Variants in PREPL observed in about 807,000 individuals in gnomAD.
PREPL encodes prolyl endopeptidase like, also known as prolyl endopeptidase-like.
PREPL carries 77 observed loss-of-function variants against 70.6 expected under a neutral mutation model. That is an observed-to-expected ratio of 1.09 (90% CI 0.91 to 1.32). The LOEUF is 1.32. Among genes scored for constraint, PREPL ranks in the 40% most tolerant of loss-of-function variants. The pLI, the probability that PREPL is intolerant of heterozygous loss-of-function variation, is 0.00. For missense variants in PREPL, 1,002 were observed against 778.2 expected (o/e 1.29, Z -3.42); for synonymous variants, 315 against 264.8 (o/e 1.19, Z -1.84).
chr2:44,355,621 A>T (rs1445706164), intron 1 of PREPL, among the ~76,000 whole-genome samples: 1 of 152,094 alleles, frequency 6.6e-6, no homozygotes, highest in Non-Finnish European at 1.5e-5. Context: ...TCCTACTTCC[A>T]ATTTATTCTC....
intron 5 of PREPL, among the ~76,000 whole-genome samples, chr2:44,341,342 T>C (rs1280351152): frequency 6.6e-6 from 1 of 152,174 alleles, no homozygotes. Context: ...CTAGGATCTA[T>C]GTTTTAGAGT....
intron 1 of PREPL, chr2:44,360,434 G>A (rs909349581): frequency 6.6e-6 from 1 of 152,102 alleles, no homozygotes; most frequent in Non-Finnish European, 1.5e-5. Context: ...AATTTGGTTC[G>A]GTTCCAAATA....
intron 7 of PREPL, among the ~76,000 whole-genome samples, chr2:44,335,500 T>C (rs1211798776): frequency 6.6e-6 from 1 of 152,184 alleles, no homozygotes; most frequent in African/African-American, 2.4e-5. Flanking sequence ...TGGTTAGCCA[T>C]AGGCAGAAGA....
chr2:44,333,019 C>A (rs1674276706), intron 7 of PREPL, among the ~76,000 whole-genome samples: 1 of 152,150 alleles, frequency 6.6e-6, no homozygotes, highest in African/African-American at 2.4e-5. Flanking sequence ...ACCGACACTG[C>A]CAAGATCTCT....
intron 9 of PREPL, among the ~76,000 whole-genome samples, chr2:44,328,221 C>T (rs1342283845): frequency 6.8e-6 from 1 of 146,766 alleles, no homozygotes; most frequent in African/African-American, 2.5e-5. Flanking sequence ...TGGCCAAGAT[C>T]ATGCCACTGC....
intron 10 of PREPL, 61 bp downstream of exon 10, chr2:44,326,651 G>C: frequency 6.5e-7 from 1 of 1,531,348 alleles, no homozygotes; most frequent in East Asian, 2.3e-5. Flanking sequence ...ATTTTTCTTA[G>C]AGTAGCCTAT....
chr2:44,335,781 A>C (rs537258646), intron 7 of PREPL, among the ~76,000 whole-genome samples: 1 of 152,092 alleles, frequency 6.6e-6, no homozygotes, highest in African/African-American at 2.4e-5. Context: ...AAATATTTAC[A>C]AACTATGCAT....
At chr2:44,358,212 T>G (rs1677257972) in intron 1 of PREPL, among the ~76,000 whole-genome samples, 1 of 152,186 alleles carries the variant, frequency 6.6e-6, no homozygotes, top group African/African-American at 2.4e-5. Flanking sequence ...AAAGGAATAT[T>G]ATTCAACTAT....
chr2:44,355,778 T>TATATATATATATATAC (rs1553363720), intron 1 of PREPL, among the ~76,000 whole-genome samples: 1 of 46,514 alleles, frequency 2.1e-5, no homozygotes, highest in African/African-American at 6.0e-5. Context: ...TATATATATA[T>TATATATATATATATAC]ACACACACAC....
chr2:44,339,121 T>C (rs371918224), intron 6 of PREPL, 26 bp downstream of exon 6: 3 of 1,611,678 alleles, frequency 1.9e-6, no homozygotes, highest in African/African-American at 1.3e-5. Context: ...ACAGCCCAAA[T>C]AGGAACAACG....
chr2:44,320,164 C>G lies in PREPL; in HGVS notation c.*1192G>C, dbSNP rs1273360780. 1.3e-6 allele frequency: 2 copies of G among 1,519,460 alleles called. No homozygotes were observed. Among genetic ancestry groups the G allele is most frequent in the Non-Finnish European group, 1.8e-6 (2 of 1,099,404 alleles). 94.1% of individuals were successfully genotyped at this position (1,519,460 alleles called of 1,614,324 possible). A position where few individuals can be genotyped will look rare whatever the true frequency, so the allele number is the denominator to read the frequency against. On this transcript the variant is annotated 3_prime_UTR_variant, in exon 14 of 14. Transcript: ENST00000409411. ...AATACTTACAAACAATTCTTAGAAT[C>G]AAACACTTACGTAAATACTTTTTTA...
At chr2:44,343,519 A>G (rs1485847725) in intron 4 of PREPL, among the ~76,000 whole-genome samples, 2 of 152,194 alleles carry the variant, frequency 1.3e-5, no homozygotes, top group African/African-American at 4.8e-5. Context: ...CATGGACTCT[A>G]ATTATAACAC....
Position 44,342,476 on chromosome 2 carries a change from A to G in PREPL, c.426T>C (p.Tyr142=). 1.2e-6 allele frequency: 2 copies of G among 1,613,368 alleles called. No homozygotes were observed. The highest frequency in any genetic ancestry group is 1.7e-6 in the Non-Finnish European group (2 of 1,179,528). ...FQRNLRCHDV[Y]RATFGDNKRN... ...GTTTGTTATCACCAAAAGTGGCTCGATATACGTCATGACAGCGAAGGTTCC... is the reference window on the plus strand; with the variant it reads ...GTTTGTTATCACCAAAAGTGGCTCGGTATACGTCATGACAGCGAAGGTTCC... Residue 142 remains tyrosine (Y), a synonymous_variant, in exon 5 of 14, where the codon TAT becomes TAC. Coordinates refer to ENST00000409411, the MANE Select transcript of PREPL (RefSeq NM_001171613.2).
intron 2 of PREPL, among the ~76,000 whole-genome samples, chr2:44,345,161 T>C (rs962127588): frequency 6.6e-6 from 1 of 152,222 alleles, no homozygotes; most frequent in Non-Finnish European, 1.5e-5. Context: ...AGTGTTCTTG[T>C]CTAATGCCTA....
intron 7 of PREPL, among the ~76,000 whole-genome samples, chr2:44,338,029 CT>C (rs1247582817): frequency 6.6e-6 from 1 of 152,166 alleles, no homozygotes; most frequent in African/African-American, 2.4e-5. Context: ...CAACTTTGGC[CT>C]GAGTTTTTAC....
In PREPL at chr2:44,321,406, G is replaced by C; in HGVS notation, c.1867C>G (p.Leu623Val). ...QIKFLYEELGLDSTSVFEDLK... is the reference protein window; with the variant it reads ...QIKFLYEELGVDSTSVFEDLK... The stretch of plus-strand genomic sequence containing the variant: ...TCCTCGAAAACACTGGTGCTGTCAA[G>C]TCCAAGTTCCTCGTACAGGAATTTA... The change falls in exon 14 of 14, where the codon CTT becomes GTT. Residue 623 changes from leucine (L) to valine (V), a missense_variant. By Grantham distance (32) the Leu-to-Val change is conservative. Coordinates refer to ENST00000409411, the MANE Select transcript of PREPL (RefSeq NM_001171613.2). 1 of 1,613,084 alleles carries C rather than the reference G, an allele frequency of 6.2e-7. No individual in the cohort carries two copies.
At position 44,359,566 on chromosome 2, in the gene PREPL, C is replaced by T. The variant is rs963472046; in HGVS notation, c.-49+1814G>A. The stretch of plus-strand genomic sequence containing the variant: ...ATATCTTGGGTTTATTCTGAAGACA[C>T]TTGGTTAGGTGATATTTTTTCAATT... On this transcript the variant is annotated intron_variant, in intron 1 of 13. Transcript: ENST00000409411. 4 of 1,613,322 alleles carry T rather than the reference C, an allele frequency of 2.5e-6. No homozygotes were observed. The highest frequency in any genetic ancestry group is 1.7e-4 in the Middle Eastern group (1 of 6,060).
At position 44,338,957 on chromosome 2, in the gene PREPL, T is replaced by G. The variant is rs111592561; in HGVS notation, c.702+190A>C. On this transcript the variant is annotated intron_variant, in intron 6 of 13. Transcript: ENST00000409411. Reference sequence around the variant, plus strand: ...AAACTCAGGACAGAATATGTTTTATTTACTAACTTTTTAGGCACAATTAAA... The same window carrying G: ...AAACTCAGGACAGAATATGTTTTATGTACTAACTTTTTAGGCACAATTAAA... 9.4e-3 allele frequency among the ~76,000 whole-genome samples: 1,425 copies of G among 152,334 alleles called. 21 individuals are homozygous for G. Among genetic ancestry groups the G allele is most frequent in the African/African-American group, 0.033 (1,368 of 41,580 alleles).
At chr2:44,324,336 C>A (rs1474808469) in intron 10 of PREPL, among the ~76,000 whole-genome samples, 1 of 151,920 alleles carries the variant, frequency 6.6e-6, no homozygotes, top group Non-Finnish European at 1.5e-5. Flanking sequence ...ACTGCATAAG[C>A]CTATGAGTGC....
Sources: gnomAD v4.1 joint callset for allele counts (sites outside exome capture counted in the v4.1 genomes callset) on GRCh38, gnomAD v4.1.1 for gene constraint, MANE v1.5 for transcripts, NCBI Gene and HGNC (gene_info 2026-07-23, HGNC 2026-07-21) for gene names.